The following IGFBP5 variants were observed in gnomAD, a reference collection of about 807,000 sequenced individuals.
IGFBP5 encodes insulin like growth factor binding protein 5.
A neutral mutation model predicts 28.0 loss-of-function variants in IGFBP5; 12 were observed. The observed-to-expected ratio is 0.43, with a 90% confidence interval of 0.27 to 0.69. IGFBP5 has a LOEUF of 0.69. Among genes scored for constraint, IGFBP5 ranks in the 30% least tolerant of loss-of-function variants. The pLI is 0.20. For synonymous variants in IGFBP5, 152 were observed against 150.2 expected (o/e 1.01, Z -0.09); for missense variants, 344 against 381.6 (o/e 0.90, Z 0.82).
chr2:216,684,305 A>G (rs1363808942), intron 1 of IGFBP5, among the ~76,000 whole-genome samples: 1 of 150,902 alleles, frequency 6.6e-6, no homozygotes, highest in Non-Finnish European at 1.5e-5. Context: ...TAAAATCTAA[A>G]CCCCCCGCCC....
Position 216,676,893 on chromosome 2 carries a change from T to C in IGFBP5, c.688-11A>G, listed in dbSNP as rs1166116687. ...ACGGGAAGGTTTGCACTGGGGTGAG[T>C]AGAGCAACAGGCGGTGAGGACGGCC... is the stretch of plus-strand genomic sequence containing the variant. On this transcript the variant is annotated splice_polypyrimidine_tract_variant and intron_variant, in intron 3 of 3. Coordinates refer to ENST00000233813, the MANE Select transcript of IGFBP5 (RefSeq NM_000599.4). 9.9e-6 allele frequency: 16 copies of C among 1,613,294 alleles called. No homozygotes were observed. Among genetic ancestry groups the C allele is most frequent in the Non-Finnish European group, 1.3e-5 (15 of 1,179,726 alleles).
chr2:216,693,152 CTT>C (rs56749026), intron 1 of IGFBP5, among the ~76,000 whole-genome samples: 4 of 147,140 alleles, frequency 2.7e-5, no homozygotes, highest in Admixed American at 1.4e-4. Flanking sequence ...GTTTATTTAA[CTT>C]TTTTTTTTTT....
At chr2:216,690,879 AGGGGGGGCGGGGTGGGCGGGGGC>A (rs1213146270) in intron 1 of IGFBP5, among the ~76,000 whole-genome samples, 2 of 7,584 alleles carry the variant, frequency 2.6e-4, no homozygotes, top group Admixed American at 2.9e-3. Context: ...AAGGTGGGGG[AGGGGGGGCGGGGTGGGCGGGGGC>A]GGGGGCGGTG....
At position 216,672,356 on chromosome 2, in the gene IGFBP5, T is replaced by C. The variant is rs1329452514; in HGVS notation, c.*4395A>G. The C allele has an allele frequency of 2.7e-5, 4 of 150,238 alleles. No homozygotes were observed. The highest frequency in any genetic ancestry group is 9.8e-5 in the African/African-American group (4 of 40,856). 9.3% of individuals were successfully genotyped at this position (150,238 alleles called of 1,614,324 possible). A position where few individuals can be genotyped will look rare whatever the true frequency, so the allele number is the denominator to read the frequency against. On this transcript the variant is annotated 3_prime_UTR_variant, in exon 4 of 4. Transcript: ENST00000233813. The stretch of plus-strand genomic sequence containing the variant: ...TTTTTTCTCACAAACTGGTTGCATT[T>C]GTTGATTTATTTTTCCATCCTTTTC...
intron 1 of IGFBP5, among the ~76,000 whole-genome samples, chr2:216,682,414 G>A (rs2106220069): frequency 6.6e-6 from 1 of 152,244 alleles, no homozygotes; most frequent in South Asian, 2.1e-4. Context: ...GTCATAAATA[G>A]GCTTTCAATT....
Position 216,692,636 on chromosome 2 carries a change from C to A in IGFBP5, c.337+1803G>T, listed in dbSNP as rs1173203626. ...CCGCTAGGCTTTTCCAAATCCACATCCCCCAAGATGAAGGCGGGCAGGACC... is the reference window on the plus strand; with the variant it reads ...CCGCTAGGCTTTTCCAAATCCACATACCCCAAGATGAAGGCGGGCAGGACC... On this transcript the variant is annotated intron_variant, in intron 1 of 3. Coordinates refer to ENST00000233813, the MANE Select transcript of IGFBP5 (RefSeq NM_000599.4). This position sits in a 1 kb window ranked among gnomAD's most constrained non-coding sequence, Gnocchi z 4.2. Among the ~76,000 whole-genome samples, 1 of 152,094 alleles carries A rather than the reference C, an allele frequency of 6.6e-6. No individual in the cohort carries two copies. Among genetic ancestry groups the A allele is most frequent in the Non-Finnish European group, 1.5e-5 (1 of 68,014 alleles).
At chr2:216,682,000 A>G (rs937561513) in intron 1 of IGFBP5, among the ~76,000 whole-genome samples, 1 of 152,188 alleles carries the variant, frequency 6.6e-6, no homozygotes, top group Admixed American at 6.5e-5. Context: ...CAACCATGAT[A>G]CTGGCATACA....
In IGFBP5 at chr2:216,674,503, A is replaced by G. The variant is rs553363973; in HGVS notation, c.*2248T>C. 2.0e-5 allele frequency: 3 copies of G among 152,422 alleles called. No individual in the cohort carries two copies. The highest frequency in any genetic ancestry group is 4.1e-4 in the South Asian group (2 of 4,832). The allele number at this position is 152,422 out of a possible 1,614,324, so 9.4% of individuals were successfully genotyped here. ...GTTGAAACAGATTTGCTTTTTCGCTATTCCTCTTCGTAGCCCCAAATTCGT... is the reference window on the plus strand; with the variant it reads ...GTTGAAACAGATTTGCTTTTTCGCTGTTCCTCTTCGTAGCCCCAAATTCGT... On this transcript the variant is annotated 3_prime_UTR_variant, in exon 4 of 4. Coordinates refer to ENST00000233813, the MANE Select transcript of IGFBP5 (RefSeq NM_000599.4). The surrounding 1 kb of genome is among the most constrained non-coding windows in gnomAD (Gnocchi z 4.4).
chr2:216,678,909 C>T lies in IGFBP5; in HGVS notation c.508G>A (p.Glu170Lys), dbSNP rs200364418. The change falls in exon 2 of 4, where the codon GAG (glutamate) becomes AAG (lysine). Residue 170 changes from glutamate (E) to lysine (K), a missense_variant. Glu to Lys is a moderately conservative substitution (Grantham distance 56, BLOSUM62 1). Around this residue, in one of 3 missense-constraint regions of IGFBP5, gnomAD observed 304 missense variants for 329.2 expected, o/e 0.92. Transcript: ENST00000233813. The part of the protein sequence containing the change: ...LTQSKFVGGA[E>K]NTAHPRIISA... ...ATGATCCGGGGGTGGGCAGTGTTCT[C>T]GGCTCCCCCGACAAACTTGGACTGG... The T allele has an allele frequency of 7.9e-5, 127 of 1,614,064 alleles. No individual in the cohort carries two copies. The highest frequency in any genetic ancestry group is 2.2e-4 in the South Asian group (20 of 91,086).
In IGFBP5 at chr2:216,679,400, G is replaced by C. The variant is rs1024488353; in HGVS notation, c.338-321C>G. Among the ~76,000 whole-genome samples the C allele has an allele frequency of 1.3e-5, 2 of 152,102 alleles. No homozygotes were observed. The highest frequency in any genetic ancestry group is 3.9e-4 in the East Asian group (2 of 5,178). ...GCCTTCTGGGGGCAGTAAGGAGGAA[G>C]GGCAAGGAAAATGGCCTCTGCAAGG... On this transcript the variant is annotated intron_variant, in intron 1 of 3. Coordinates refer to ENST00000233813, the MANE Select transcript of IGFBP5 (RefSeq NM_000599.4). This position sits in a 1 kb window ranked among gnomAD's most constrained non-coding sequence, Gnocchi z 4.6.
rs578068100 is a variant in IGFBP5 at position 216,691,943 on chromosome 2, G to A, written c.337+2496C>T. ...GCAAGCTCAGATTTTGGCGGGGGTG[G>A]GGGAGAGGAGGGAGGTAGGAGGTGT... On this transcript the variant is annotated intron_variant, in intron 1 of 3. Coordinates refer to ENST00000233813, the MANE Select transcript of IGFBP5 (RefSeq NM_000599.4). Among the ~76,000 whole-genome samples the A allele has an allele frequency of 3.9e-4, 58 of 149,876 alleles. 2 individuals carry two copies. The highest frequency in any genetic ancestry group is 1.3e-3 in the African/African-American group (53 of 40,784).
At chr2:216,687,663 G>A (rs919588179) in intron 1 of IGFBP5, among the ~76,000 whole-genome samples, 2 of 152,196 alleles carry the variant, frequency 1.3e-5, no homozygotes, top group African/African-American at 2.4e-5. Context: ...AGAAGTGTCT[G>A]TCTGTTCCTC....
chr2:216,692,440 G>T lies in IGFBP5; in HGVS notation c.337+1999C>A, dbSNP rs1180538868. ...GTGCTCGCCTAGCAATTGCGCGCGC[G>T]TGCGCTCTGCGTGTACACCCTTCAC... On this transcript the variant is annotated intron_variant, in intron 1 of 3. Coordinates refer to ENST00000233813, the MANE Select transcript of IGFBP5 (RefSeq NM_000599.4). The surrounding 1 kb of genome is among the most constrained non-coding windows in gnomAD (Gnocchi z 4.2). 6.6e-6 allele frequency among the ~76,000 whole-genome samples: 1 copy of T among 151,982 alleles called. No homozygotes were observed. Among genetic ancestry groups the T allele is most frequent in the South Asian group, 2.1e-4 (1 of 4,824 alleles).
intron 3 of IGFBP5, among the ~76,000 whole-genome samples, chr2:216,677,824 C>T (rs912306058): frequency 5.3e-5 from 8 of 152,200 alleles, no homozygotes; most frequent in Non-Finnish European, 7.3e-5. Context: ...ACCAATGATA[C>T]GTGCTGTGCG....
At position 216,672,119 on chromosome 2, in the gene IGFBP5, A is replaced by G. The variant is rs925540438; in HGVS notation, c.*4632T>C. 3 of 152,216 alleles carry G rather than the reference A, an allele frequency of 2.0e-5. No individual in the cohort carries two copies. The highest frequency in any genetic ancestry group is 7.2e-5 in the African/African-American group (3 of 41,462). The allele number at this position is 152,216 out of a possible 1,614,324, so 9.4% of individuals were successfully genotyped here. ...CCGACGCAGGCTAACTGAATGCATA[A>G]CTTTATTAAATAAATGCTTTGTCAT... On this transcript the variant is annotated 3_prime_UTR_variant, in exon 4 of 4. Coordinates refer to ENST00000233813, the MANE Select transcript of IGFBP5 (RefSeq NM_000599.4).
intron 3 of IGFBP5, 123 bp from the exon 4 acceptor site, chr2:216,677,005 C>A: frequency 1.9e-6 from 2 of 1,070,804 alleles, no homozygotes; most frequent in Non-Finnish European, 2.7e-6. Context: ...GGGCACTAGA[C>A]CCGACCCTTG....
chr2:216,676,702 T>A lies in IGFBP5; in HGVS notation c.*49A>T, dbSNP rs971699125. On this transcript the variant is annotated 3_prime_UTR_variant, in exon 4 of 4. Coordinates refer to ENST00000233813, the MANE Select transcript of IGFBP5 (RefSeq NM_000599.4). ...GGGTGGAGGGAGGCGCTGGCTGGAG[T>A]CGGGGCTGGGGGTGGGAGGGGGTGA... 1 of 1,047,356 alleles carries A rather than the reference T, an allele frequency of 9.5e-7. No homozygotes were observed. The highest frequency in any genetic ancestry group is 2.5e-5 in the African/African-American group (1 of 39,266). The allele number at this position is 1,047,356 out of a possible 1,614,324, so 64.9% of individuals were successfully genotyped here.
At chr2:216,687,863 T>G (rs968058353) in intron 1 of IGFBP5, among the ~76,000 whole-genome samples, 1 of 151,998 alleles carries the variant, frequency 6.6e-6, no homozygotes, top group African/African-American at 2.4e-5. Context: ...AGGGAGGAAG[T>G]AGGGTTTACG....
rs1242210308 is a variant in IGFBP5 at position 216,676,533 on chromosome 2, G to T, written c.*218C>A. The T allele has an allele frequency of 1.4e-5, 5 of 349,208 alleles. No individual in the cohort carries two copies. Among genetic ancestry groups the T allele is most frequent in the South Asian group, 8.1e-5 (2 of 24,718 alleles). The allele number at this position is 349,208 out of a possible 1,614,324, so 21.6% of individuals were successfully genotyped here. ...CTCAAAAAGAAAACCATTTAAAGGG[G>T]GGGGGTGTCTTTTTAGCTTTTTGCA... On this transcript the variant is annotated 3_prime_UTR_variant, in exon 4 of 4. Coordinates refer to ENST00000233813, the MANE Select transcript of IGFBP5 (RefSeq NM_000599.4).
Sources: gnomAD v4.1 joint callset for allele counts (sites outside exome capture counted in the v4.1 genomes callset) on GRCh38, gnomAD v4.1.1 for gene constraint, gnomAD v4.1.1 regional missense constraint, Gnocchi (gnomAD v3.1) non-coding constraint, MANE v1.5 for transcripts, NCBI Gene and HGNC (gene_info 2026-07-23, HGNC 2026-07-21) for gene names.